TAFA2: variants seen among roughly 807,000 people sequenced by gnomAD.
TAFA2 encodes chemokine-like protein TAFA-2.
Under a neutral mutation model 18.8 loss-of-function variants are expected in TAFA2, and 7 were observed. The observed-to-expected ratio is 0.37, with a 90% confidence interval of 0.21 to 0.70. The LOEUF (loss-of-function observed/expected upper bound fraction) is 0.70, where lower values mean the gene tolerates loss of function less well. Ranked by LOEUF, TAFA2 falls within the 30% of genes least tolerant of loss-of-function variation. The probability of loss-of-function intolerance (pLI) is 0.53; values close to 1 mark genes in which losing one functional copy is unlikely to be tolerated. For synonymous variants in TAFA2, 60 were observed against 54.2 expected, an observed-to-expected ratio of 1.11 and a Z score of -0.47; for missense variants, 122 against 158.1, an observed-to-expected ratio of 0.77 and a Z score of 1.23.
intron 1 of TAFA2, among the ~76,000 whole-genome samples, chr12:61,907,474 C>T (rs1307823027): frequency 6.6e-6 from 1 of 152,186 alleles, no homozygotes; most frequent in East Asian, 1.9e-4. Context: ...GGTTTGGGAA[C>T]CTCCACCTAG....
rs78685090 is a variant in TAFA2, at chr12:61,817,336, G to A, written c.106+49984C>T. Reference sequence around the variant, plus strand: ...GTGACAAGGCCTAGTCTGTCACAAAGCAAAAAGAATAATAATCATAGTTAT... The same window carrying A: ...GTGACAAGGCCTAGTCTGTCACAAAACAAAAAGAATAATAATCATAGTTAT... On this transcript the variant is annotated intron_variant, in intron 2 of 4. Coordinates refer to ENST00000416284, the MANE Select transcript of TAFA2 (RefSeq NM_178539.5). Among the ~76,000 whole-genome samples, 32 of 151,944 alleles carry A rather than the reference G, an allele frequency of 2.1e-4. No homozygotes were observed. In the East Asian group the frequency reaches 6.0e-3, roughly 29 times the overall value.
intron 2 of TAFA2, among the ~76,000 whole-genome samples, chr12:61,856,107 G>C (rs1470888441): frequency 3.3e-5 from 5 of 151,834 alleles, no homozygotes; most frequent in South Asian, 2.1e-4. Context: ...TTGAATTCAA[G>C]GGTAAAGAAA....
chr12:61,992,532 A>C (rs766534262), intron 1 of TAFA2, among the ~76,000 whole-genome samples: 12 of 152,168 alleles, frequency 7.9e-5, no homozygotes, highest in Non-Finnish European at 1.6e-4. Flanking sequence ...CCTACATAGC[A>C]GCTAGAGTGA....
intron 1 of TAFA2, among the ~76,000 whole-genome samples, chr12:61,942,186 G>T (rs1255836401): frequency 2.9e-4 from 42 of 146,302 alleles, no homozygotes; most frequent in African/African-American, 9.5e-4. Flanking sequence ...CCCCCCAGCA[G>T]GGGCACACTG....
At chr12:62,104,029 C>A (rs1869333275) in intron 1 of TAFA2, among the ~76,000 whole-genome samples, 1 of 152,078 alleles carries the variant, frequency 6.6e-6, no homozygotes, top group Non-Finnish European at 1.5e-5. Context: ...ATTCCTGTAC[C>A]ACAAGTCACC....
At position 61,916,599 on chromosome 12, in the gene TAFA2, C is replaced by T. The variant is rs1876832151; in HGVS notation, c.-1-49173G>A. The stretch of plus-strand genomic sequence containing the variant: ...CCCTCTATTGCCTGTTACGATTTTT[C>T]ACCTTTTGGTTACAATTCCATGCTT... On this transcript the variant is annotated intron_variant, in intron 1 of 4. Transcript: ENST00000416284. 2.0e-5 allele frequency among the ~76,000 whole-genome samples: 3 copies of T among 152,280 alleles called. No homozygotes were observed. The South Asian group carries it at 6.2e-4, about 32-fold the overall frequency.
chr12:62,090,185 A>C (rs1157137298), intron 1 of TAFA2, among the ~76,000 whole-genome samples: 1 of 152,026 alleles, frequency 6.6e-6, no homozygotes, highest in Non-Finnish European at 1.5e-5. Context: ...ATTTTAAAGT[A>C]GTCTCCAGCC....
chr12:61,719,971 T>C (rs73123749), intron 4 of TAFA2, among the ~76,000 whole-genome samples: 268 of 152,260 alleles, frequency 1.8e-3, no homozygotes, highest in Non-Finnish European at 2.9e-3. Flanking sequence ...AATTTCAAAC[T>C]AAAATCCATT....
At chr12:62,139,007 T>C (rs1008388314) in intron 1 of TAFA2, among the ~76,000 whole-genome samples, 7 of 152,058 alleles carry the variant, frequency 4.6e-5, no homozygotes, top group African/African-American at 1.7e-4. Flanking sequence ...ATGGAGTAAT[T>C]AGATATATAA....
intron 1 of TAFA2, among the ~76,000 whole-genome samples, chr12:62,024,208 T>C (rs2136734802): frequency 6.6e-6 from 1 of 152,262 alleles, no homozygotes; most frequent in Admixed American, 6.5e-5. Context: ...TCTCTTTCAT[T>C]TTCTGTGTAT....
At chr12:61,779,232 A>AG (rs1555164755) in intron 2 of TAFA2, among the ~76,000 whole-genome samples, 1 of 151,682 alleles carries the variant, frequency 6.6e-6, no homozygotes, top group Non-Finnish European at 1.5e-5. Flanking sequence ...GGAGGTAGTG[A>AG]TGTGTGTGTG....
At chr12:61,879,638 ATCGACAAGG>A in intron 1 of TAFA2, 1 of 888,048 alleles carries the variant, frequency 1.1e-6, no homozygotes, top group South Asian at 1.3e-5. Context: ...TGCCTCCTTC[ATCGACAAGG>A]TACGGTTCCT....
At chr12:62,166,871 C>A (rs889767561) in intron 1 of TAFA2, among the ~76,000 whole-genome samples, 2 of 152,122 alleles carry the variant, frequency 1.3e-5, no homozygotes, top group Non-Finnish European at 2.9e-5. Flanking sequence ...CTGATACACG[C>A]CAGTGAAATA....
At position 61,905,823 on chromosome 12, in the gene TAFA2, C is replaced by T. The variant is rs144584768; in HGVS notation, c.-1-38397G>A. Among the ~76,000 whole-genome samples, 6 of 151,978 alleles carry T rather than the reference C, an allele frequency of 3.9e-5. No homozygotes were observed. In the South Asian group the frequency reaches 6.2e-4, roughly 16 times the overall value. On this transcript the variant is annotated intron_variant, in intron 1 of 4. Coordinates refer to ENST00000416284, the MANE Select transcript of TAFA2 (RefSeq NM_178539.5). The stretch of plus-strand genomic sequence containing the variant: ...AGGCAAATACTCATTTTATTAAATC[C>T]CCTAACAAAATGCCTTTGACAACTC...
At chr12:61,944,374 C>T (rs1480824717) in intron 1 of TAFA2, among the ~76,000 whole-genome samples, 2 of 145,420 alleles carry the variant, frequency 1.4e-5, no homozygotes, top group African/African-American at 5.2e-5. Flanking sequence ...AATTGACACC[C>T]TAACATCACA....
At chr12:61,871,779 T>G (rs1874614316) in intron 1 of TAFA2, among the ~76,000 whole-genome samples, 1 of 152,188 alleles carries the variant, frequency 6.6e-6, no homozygotes, top group African/African-American at 2.4e-5. Flanking sequence ...GAAACGCTTC[T>G]CATCCCACTA....
intron 1 of TAFA2, among the ~76,000 whole-genome samples, chr12:62,234,051 G>T (rs556233502): frequency 1.3e-5 from 2 of 152,290 alleles, no homozygotes; most frequent in Admixed American, 6.5e-5. Flanking sequence ...CAGAGGCAGG[G>T]TGCCTTCATA....
At chr12:62,025,402 AAAAT>A in intron 1 of TAFA2, among the ~76,000 whole-genome samples, 1 of 152,184 alleles carries the variant, frequency 6.6e-6, no homozygotes, top group South Asian at 2.1e-4. Context: ...CCCCAAATCA[AAAAT>A]AAATGTTGAA....
intron 1 of TAFA2, among the ~76,000 whole-genome samples, chr12:62,132,739 T>G (rs1337308459): frequency 6.6e-6 from 1 of 151,936 alleles, no homozygotes; most frequent in Non-Finnish European, 1.5e-5. Context: ...ATAATTCAGA[T>G]GCCAGATCAC....
Sources: allele counts gnomAD v4.1 joint callset (sites outside exome capture counted in the v4.1 genomes callset), GRCh38; gene constraint gnomAD v4.1.1; transcripts MANE v1.5; gene names NCBI Gene and HGNC (gene_info 2026-07-23, HGNC 2026-07-21).